The following BNIP2 variants were observed in gnomAD, a reference collection of about 807,000 sequenced individuals.
BNIP2 encodes BCL2/adenovirus E1B 19 kDa protein-interacting protein 2.
Under a neutral mutation model 43.4 loss-of-function variants are expected in BNIP2, and 36 were observed. The ratio of observed to expected loss-of-function variants is 0.83; its 90% CI spans 0.64 to 1.10. BNIP2 has a LOEUF of 1.10. BNIP2 is among the 50% of genes least tolerant of loss of function. BNIP2 has a pLI of 0.00. For synonymous variants in BNIP2, 146 were observed against 121.0 expected (o/e 1.21, Z -1.35); for missense variants, 417 against 374.1 (o/e 1.11, Z -0.95).
At chr15:59,674,023 G>A (rs1206136831) in intron 5 of BNIP2, among the ~76,000 whole-genome samples, 1 of 149,906 alleles carries the variant, frequency 6.7e-6, no homozygotes, top group African/African-American at 2.5e-5. Flanking sequence ...CTGGGAGGCG[G>A]AGGTTGCAGT....
At position 59,689,292 on chromosome 15, in the gene BNIP2, T is replaced by G. The variant is rs2306359; in HGVS notation, c.-215A>C. On this transcript the variant is annotated 5_prime_UTR_variant, in exon 1 of 10. Coordinates refer to ENST00000607373, the MANE Select transcript of BNIP2 (RefSeq NM_004330.4). ...ATCCCCCGGCCGCAGCGGTACGGCG[T>G]CGGCGGCAGCAGCTGACCCGGACAC... 98,131 of 1,546,060 alleles carry G rather than the reference T, an allele frequency of 0.063. 6,390 individuals are homozygous for G. Among genetic ancestry groups the G allele is most frequent in the East Asian group, 0.28 (11,392 of 40,782 alleles).
chr15:59,668,109 T>A, intron 9 of BNIP2: 1 of 1,298,038 alleles, frequency 7.7e-7, no homozygotes, highest in Non-Finnish European at 1.0e-6. Context: ...ATACCTTTTT[T>A]GTTTCTTTTT....
intron 5 of BNIP2, among the ~76,000 whole-genome samples, chr15:59,674,282 T>C (rs1453406343): frequency 3.3e-5 from 5 of 151,748 alleles, no homozygotes; most frequent in South Asian, 2.1e-4. Flanking sequence ...ATGAAAAGAT[T>C]TGAACATTTC....
At chr15:59,687,195 TAATC>T (rs1894074575) in intron 1 of BNIP2, among the ~76,000 whole-genome samples, 1 of 152,216 alleles carries the variant, frequency 6.6e-6, no homozygotes, top group Admixed American at 6.5e-5. Flanking sequence ...TTTAAAAAGA[TAATC>T]TACTAACTGA....
chr15:59,674,404 A>G (rs1566966114), intron 5 of BNIP2, among the ~76,000 whole-genome samples: 1 of 152,186 alleles, frequency 6.6e-6, no homozygotes, highest in Non-Finnish European at 1.5e-5. Flanking sequence ...AAAAAGTGCT[A>G]TTTCTGAAAG....
At chr15:59,670,037 A>G (rs1892803542) in intron 7 of BNIP2, among the ~76,000 whole-genome samples, 1 of 152,242 alleles carries the variant, frequency 6.6e-6, no homozygotes, top group Non-Finnish European at 1.5e-5. Context: ...ACCAATCGGA[A>G]GATCACATTC....
intron 1 of BNIP2, among the ~76,000 whole-genome samples, chr15:59,683,654 TA>T (rs1391510415): frequency 6.6e-6 from 1 of 152,122 alleles, no homozygotes; most frequent in Non-Finnish European, 1.5e-5. Flanking sequence ...CAGTCTCTAC[TA>T]AAAATACAAA....
At chr15:59,682,969 G>T (rs145764482) in intron 1 of BNIP2, among the ~76,000 whole-genome samples, 1 of 152,262 alleles carries the variant, frequency 6.6e-6, no homozygotes, top group African/African-American at 2.4e-5. Context: ...GAGTCAGGTG[G>T]TGTGCTGTCT....
chr15:59,666,433 G>A (rs554443187), intron 9 of BNIP2, among the ~76,000 whole-genome samples: 4 of 152,208 alleles, frequency 2.6e-5, no homozygotes, highest in South Asian at 2.1e-4. Context: ...TTGGGAGGCC[G>A]AGGTGGGTGG....
At chr15:59,683,871 G>A (rs561797863) in intron 1 of BNIP2, among the ~76,000 whole-genome samples, 8 of 152,226 alleles carry the variant, frequency 5.3e-5, no homozygotes, top group African/African-American at 1.7e-4. Flanking sequence ...TAGTAAGTCC[G>A]TCTATACCAT....
intron 9 of BNIP2, among the ~76,000 whole-genome samples, chr15:59,665,186 C>T: frequency 6.6e-6 from 1 of 151,970 alleles, no homozygotes; most frequent in Non-Finnish European, 1.5e-5. Flanking sequence ...ACCGCTTGAA[C>T]CCAGGAGGCA....
intron 1 of BNIP2, chr15:59,688,517 A>T (rs769891657): frequency 2.9e-5 from 16 of 558,598 alleles, no homozygotes; most frequent in Non-Finnish European, 9.4e-6. Context: ...CTCACAAGAC[A>T]CAGACAAGTA....
Position 59,678,710 on chromosome 15 carries a change from A to T in BNIP2, c.296-623T>A. ...TTGCAGTTTAGCTGATTTTCAATGTAGTAATAATTTTCAAAATTTCAGTAT... is the reference window on the plus strand; with the variant it reads ...TTGCAGTTTAGCTGATTTTCAATGTTGTAATAATTTTCAAAATTTCAGTAT... On this transcript the variant is annotated intron_variant, in intron 4 of 9. Transcript: ENST00000607373. 2.4e-6 allele frequency: 3 copies of T among 1,230,484 alleles called. No individual in the cohort carries two copies. In the South Asian group the frequency reaches 4.3e-5, roughly 18 times the overall value. 76.2% of individuals were successfully genotyped at this position (1,230,484 alleles called of 1,614,324 possible).
At chr15:59,665,355 T>C (rs1892510167) in intron 9 of BNIP2, 1 of 152,170 alleles carries the variant, frequency 6.6e-6, no homozygotes, top group African/African-American at 2.4e-5. Context: ...CTTACACCTA[T>C]GATCCCAGCA....
chr15:59,678,863 A>G, intron 4 of BNIP2: 2 of 1,302,660 alleles, frequency 1.5e-6, no homozygotes, highest in Non-Finnish European at 2.0e-6. Flanking sequence ...AAGAAGAGAC[A>G]AAACACATAG....
chr15:59,686,605 A>C (rs1410382201), intron 1 of BNIP2, among the ~76,000 whole-genome samples: 1 of 152,196 alleles, frequency 6.6e-6, no homozygotes, highest in African/African-American at 2.4e-5. Context: ...TCACTTTTTA[A>C]CCAACAGCCT....
Position 59,669,378 on chromosome 15 carries a change from A to G in BNIP2, c.708-16T>C, listed in dbSNP as rs1364389762. Reference sequence around the variant, plus strand: ...TTTCCGTAACCTGGAGTTTAAAAAAAAAACACACACACACAAAGAAAATTA... The same window carrying G: ...TTTCCGTAACCTGGAGTTTAAAAAAGAAACACACACACACAAAGAAAATTA... On this transcript the variant is annotated splice_polypyrimidine_tract_variant and intron_variant, in intron 7 of 9. Coordinates refer to ENST00000607373, the MANE Select transcript of BNIP2 (RefSeq NM_004330.4). 1.4e-6 allele frequency: 2 copies of G among 1,408,310 alleles called. No homozygotes were observed. Among genetic ancestry groups the G allele is most frequent in the Non-Finnish European group, 1.9e-6 (2 of 1,041,554 alleles). The allele number at this position is 1,408,310 out of a possible 1,614,324, so 87.2% of individuals were successfully genotyped here.
At chr15:59,672,447 G>A in intron 6 of BNIP2, 190 bp downstream of exon 6, 2 of 454,678 alleles carry the variant, frequency 4.4e-6, no homozygotes, top group Non-Finnish European at 4.0e-6. Context: ...CTAATTTTTT[G>A]ATTTTGTAGA....
rs568507430 is a variant in BNIP2 at position 59,677,411 on chromosome 15, T to G, written c.472+500A>C. 3.4e-5 allele frequency: 51 copies of G among 1,498,326 alleles called. No individual in the cohort carries two copies. The East Asian group carries it at 6.9e-4, about 20-fold the overall frequency. The allele number at this position is 1,498,326 out of a possible 1,614,324, so 92.8% of individuals were successfully genotyped here. The stretch of plus-strand genomic sequence containing the variant: ...GTTTTCCGTACTCCAAACCATCAGG[T>G]GGACACAGTCCTAGGAACCATTATG... On this transcript the variant is annotated intron_variant, in intron 5 of 9. Transcript: ENST00000607373.
Sources: gnomAD v4.1 joint callset for allele counts (sites outside exome capture counted in the v4.1 genomes callset) on GRCh38, gnomAD v4.1.1 for gene constraint, MANE v1.5 for transcripts, NCBI Gene and HGNC (gene_info 2026-07-23, HGNC 2026-07-21) for gene names.